The following FAAH variants were observed in gnomAD, a reference collection of about 807,000 sequenced individuals.
FAAH encodes fatty-acid amide hydrolase 1.
In FAAH, 63 loss-of-function variants were observed where a neutral mutation model predicts 69.7. The observed-to-expected ratio is 0.90, with a 90% CI of 0.74 to 1.12. FAAH has a LOEUF of 1.12. FAAH is among the 50% of genes most tolerant of loss of function. The pLI is 0.00. For synonymous variants in FAAH, 305 were observed against 324.2 expected (o/e 0.94, Z 0.64); for missense variants, 680 against 755.0 (o/e 0.90, Z 1.16).
At chr1:46,400,811 G>C (rs538512826) in intron 1 of FAAH, among the ~76,000 whole-genome samples, 3 of 87,844 alleles carry the variant, frequency 3.4e-5, no homozygotes, top group African/African-American at 1.5e-4. Flanking sequence ...TGGAAGCCAG[G>C]GTAGGGGAGG....
At position 46,412,212 on chromosome 1, in the gene FAAH, G is replaced by T; in HGVS notation, c.1426G>T (p.Ala476Ser). 6.4e-7 allele frequency: 1 copy of T among 1,559,158 alleles called. No individual in the cohort carries two copies. The highest frequency in any genetic ancestry group is 8.7e-7 in the Non-Finnish European group (1 of 1,151,284). ...GGATGTGGTGCTGACCCCCATGCTG[G>T]CCCCTGCTCTGGACTTGAATGCCCC... ...DLDVVLTPML[A>S]PALDLNAPGR... is the part of the protein sequence containing the mutation. The change falls in exon 13 of 15, where the codon GCC becomes TCC. Residue 476 changes from alanine to serine, a missense_variant. Coordinates refer to ENST00000243167, the MANE Select transcript of FAAH (RefSeq NM_001441.3).
rs915540994 is a variant in FAAH at position 46,410,334 on chromosome 1, C to G, written c.1176-64C>G. On this transcript the variant is annotated intron_variant, in intron 9 of 14. Coordinates refer to ENST00000243167, the MANE Select transcript of FAAH (RefSeq NM_001441.3). This position sits in a 1 kb window ranked among gnomAD's most constrained non-coding sequence, Gnocchi z 4.9. ...CATAGAGAATGGGATTGCTGTGGGC[C>G]GGGCGAGCAAGCTGGGAAGGATGTG... is the stretch of plus-strand genomic sequence containing the variant. 30 of 1,325,906 alleles carry G rather than the reference C, an allele frequency of 2.3e-5. No individual in the cohort carries two copies. Among genetic ancestry groups the G allele is most frequent in the Admixed American group, 5.0e-5 (3 of 59,578 alleles). The allele number at this position is 1,325,906 out of a possible 1,614,324, so 82.1% of individuals were successfully genotyped here.
In FAAH at chr1:46,411,758, G is replaced by C; in HGVS notation, c.1356+107G>C. ...GGCCACTGCCCCCATGGGGCTCCTA[G>C]ACTGGCCTGTCATCCCCCTTCCACT... On this transcript the variant is annotated intron_variant, in intron 12 of 14. Coordinates refer to ENST00000243167, the MANE Select transcript of FAAH (RefSeq NM_001441.3). The surrounding 1 kb of genome is among the most constrained non-coding windows in gnomAD (Gnocchi z 4.8). The C allele has an allele frequency of 3.1e-6, 4 of 1,281,624 alleles. No individual in the cohort carries two copies. Among genetic ancestry groups the C allele is most frequent in the Non-Finnish European group, 4.4e-6 (4 of 901,038 alleles). The allele number at this position is 1,281,624 out of a possible 1,614,324, so 79.4% of individuals were successfully genotyped here. A position where few individuals can be genotyped will look rare whatever the true frequency, so the allele number is the denominator to read the frequency against.
chr1:46,402,290 C>G, intron 2 of FAAH, 86 bp downstream of exon 2: 1 of 1,195,526 alleles, frequency 8.4e-7, no homozygotes, highest in Non-Finnish European at 1.2e-6. Context: ...TCTGTCCGCA[C>G]AGGCTGTGGG....
In FAAH at chr1:46,405,620, C is replaced by G; in HGVS notation, c.611C>G (p.Thr204Ser). ...TGCAGTAACCCCCTCTTTGGCCAGA[C>G]CGTGAACCCATGGAAGTCCTCCAAA... is the stretch of plus-strand genomic sequence containing the variant. ...YDCSNPLFGQ[T>S]VNPWKSSKSP... The change falls in exon 5 of 15, where the codon ACC (threonine) becomes AGC (serine). Residue 204 changes from threonine to serine, a missense_variant. By Grantham distance (58) the Thr-to-Ser change is moderately conservative (BLOSUM62 1). Coordinates refer to ENST00000243167, the MANE Select transcript of FAAH (RefSeq NM_001441.3). The surrounding 1 kb of genome is among the most constrained non-coding windows in gnomAD (Gnocchi z 4.1). 6.2e-7 allele frequency: 1 copy of G among 1,613,542 alleles called. No individual in the cohort carries two copies. The highest frequency in any genetic ancestry group is 1.1e-5 in the South Asian group (1 of 91,086).
intron 1 of FAAH, among the ~76,000 whole-genome samples, chr1:46,400,096 A>T (rs1664669404): frequency 6.9e-6 from 1 of 145,212 alleles, no homozygotes; most frequent in Non-Finnish European, 1.5e-5. Context: ...AGTTCAATGA[A>T]TTCAGGGAAG....
In FAAH at chr1:46,406,892, T is replaced by C. The variant is rs112014360; in HGVS notation, c.951+524T>C. On this transcript the variant is annotated intron_variant, in intron 7 of 14. Transcript: ENST00000243167. ...AAGTGCTGGGATTACAGGCTTGAGT[T>C]ACCGCGCCGGCCGGAAATCCACAGG... Among the ~76,000 whole-genome samples the C allele has an allele frequency of 6.5e-3, 989 of 152,092 alleles. 11 individuals are homozygous for C. Among genetic ancestry groups the C allele is most frequent in the Middle Eastern group, 0.041 (12 of 294 alleles).
At position 46,410,376 on chromosome 1, in the gene FAAH, G is replaced by A; in HGVS notation, c.1176-22G>A. The A allele has an allele frequency of 6.2e-7, 1 of 1,604,712 alleles. No individual in the cohort carries two copies. Among genetic ancestry groups the A allele is most frequent in the Non-Finnish European group, 8.5e-7 (1 of 1,171,480 alleles). ...AAGGATGTGGGGATGGGAGTGCCTG[G>A]ACCGAGCATTTTGTTTCCCAGCAAA... On this transcript the variant is annotated intron_variant, in intron 9 of 14. Transcript: ENST00000243167. This position sits in a 1 kb window ranked among gnomAD's most constrained non-coding sequence, Gnocchi z 4.9.
intron 1 of FAAH, 66 bp downstream of exon 1, chr1:46,394,609 C>G: frequency 1.6e-6 from 2 of 1,244,912 alleles, no homozygotes; most frequent in Admixed American, 8.5e-5. Context: ...TTTCAGCCGC[C>G]GGACCCGCCG....
At chr1:46,396,297 A>AT (rs1557755640) in intron 1 of FAAH, among the ~76,000 whole-genome samples, 1 of 152,222 alleles carries the variant, frequency 6.6e-6, no homozygotes, top group Non-Finnish European at 1.5e-5. Context: ...ATCTCAGTAA[A>AT]TAGAACGTAG....
In FAAH at chr1:46,405,573, T is replaced by G; in HGVS notation, c.579-15T>G. ...CCCAGCATGGCACGGGCTGACCCAT[T>G]CTTGGCTCCTCCAGCTATGACTGCA... On this transcript the variant is annotated splice_polypyrimidine_tract_variant and intron_variant, in intron 4 of 14. Transcript: ENST00000243167. This position sits in a 1 kb window ranked among gnomAD's most constrained non-coding sequence, Gnocchi z 4.1. 6.2e-7 allele frequency: 1 copy of G among 1,613,340 alleles called. No individual in the cohort carries two copies. Among genetic ancestry groups the G allele is most frequent in the Non-Finnish European group, 8.5e-7 (1 of 1,180,014 alleles).
At chr1:46,398,947 ATG>A (rs1473343728) in intron 1 of FAAH, among the ~76,000 whole-genome samples, 3 of 152,072 alleles carry the variant, frequency 2.0e-5, no homozygotes, top group Non-Finnish European at 1.5e-5. Flanking sequence ...CTAGAGAAAA[ATG>A]TGTTTCTGGT....
intron 1 of FAAH, among the ~76,000 whole-genome samples, chr1:46,398,038 A>G (rs1019819960): frequency 6.7e-6 from 1 of 149,990 alleles, no homozygotes; most frequent in Non-Finnish European, 1.5e-5. Flanking sequence ...GGTTCAAGCA[A>G]TTCTCCTGCC....
chr1:46,409,364 TGGAGATCCCTTGCCA>T, intron 9 of FAAH, 166 bp downstream of exon 9: 1 of 663,482 alleles, frequency 1.5e-6, no homozygotes, highest in Non-Finnish European at 2.8e-6. Context: ...ACATTGAGCC[TGGAGATCCCTTGCCA>T]GGGTGCCAGC....
Position 46,409,158 on chromosome 1 carries a change from G to A in FAAH, c.1135G>A (p.Gly379Arg). 6.2e-7 allele frequency: 1 copy of A among 1,613,918 alleles called. No individual in the cohort carries two copies. ...PHALETLSTG[G>R]LFSDGGHTFL... is the part of the protein sequence containing the mutation. ...TGCTCTGGAGACCCTGTCAACAGGTGGGCTCTTCAGTGATGGTGGCCACAC... is the reference window on the plus strand; with the variant it reads ...TGCTCTGGAGACCCTGTCAACAGGTAGGCTCTTCAGTGATGGTGGCCACAC... Residue 379 changes from glycine (G) to arginine (R), a missense_variant, in exon 9 of 15, where the codon GGG (glycine) becomes AGG (arginine). Transcript: ENST00000243167.
chr1:46,410,185 T>C lies in FAAH; in HGVS notation c.1176-213T>C. ...TGCTGGAGAGGGATACCCTGAGTCC[T>C]GCCTTGGGGAGCTCCCGTGGATGTG... On this transcript the variant is annotated intron_variant, in intron 9 of 14. Transcript: ENST00000243167. This position sits in a 1 kb window ranked among gnomAD's most constrained non-coding sequence, Gnocchi z 4.9. 1 of 607,526 alleles carries C rather than the reference T, an allele frequency of 1.6e-6. No individual in the cohort carries two copies. Among genetic ancestry groups the C allele is most frequent in the Non-Finnish European group, 3.0e-6 (1 of 331,234 alleles). 37.6% of individuals were successfully genotyped at this position (607,526 alleles called of 1,614,324 possible).
chr1:46,399,962 T>C (rs1203182142), intron 1 of FAAH, among the ~76,000 whole-genome samples: 1 of 152,176 alleles, frequency 6.6e-6, no homozygotes, highest in Non-Finnish European at 1.5e-5. Context: ...ACTTTTCATT[T>C]TGTATACCTT....
chr1:46,411,716 C>G lies in FAAH; in HGVS notation c.1356+65C>G. On this transcript the variant is annotated intron_variant, in intron 12 of 14. Coordinates refer to ENST00000243167, the MANE Select transcript of FAAH (RefSeq NM_001441.3). This position sits in a 1 kb window ranked among gnomAD's most constrained non-coding sequence, Gnocchi z 4.8. Reference sequence around the variant, plus strand: ...GGAGGGTGGAGTTGGACAGGGTACCCGCTAGCAGTGTCTCGTGGCCACTGC... The same window carrying G: ...GGAGGGTGGAGTTGGACAGGGTACCGGCTAGCAGTGTCTCGTGGCCACTGC... The G allele has an allele frequency of 1.3e-6, 2 of 1,581,672 alleles. No homozygotes were observed. The highest frequency in any genetic ancestry group is 1.7e-6 in the Non-Finnish European group (2 of 1,154,722).
At chr1:46,396,853 G>A (rs993157496) in intron 1 of FAAH, among the ~76,000 whole-genome samples, 10 of 152,148 alleles carry the variant, frequency 6.6e-5, no homozygotes, top group East Asian at 1.9e-4. Flanking sequence ...CATGTGTTGC[G>A]GTTTTGGCTG....
Sources: gnomAD v4.1 joint callset for allele counts (sites outside exome capture counted in the v4.1 genomes callset) on GRCh38, gnomAD v4.1.1 for gene constraint, Gnocchi (gnomAD v3.1) non-coding constraint, MANE v1.5 for transcripts, NCBI Gene and HGNC (gene_info 2026-07-23, HGNC 2026-07-21) for gene names.